The following SLCO3A1 variants were observed in gnomAD, a reference collection of about 807,000 sequenced individuals.
SLCO3A1 encodes PGE1 transporter.
In SLCO3A1, 27 loss-of-function variants were observed where a neutral mutation model predicts 63.1. The observed-to-expected ratio is 0.43, with a 90% CI of 0.32 to 0.59. The LOEUF is 0.59. Among genes scored for constraint, SLCO3A1 ranks in the 20% least tolerant of loss-of-function variants. SLCO3A1 has a pLI of 0.09. For synonymous variants in SLCO3A1, 473 were observed against 409.9 expected (o/e 1.15, Z -1.86); for missense variants, 773 against 945.8 (o/e 0.82, Z 2.40).
chr15:91,916,682 G>A lies in SLCO3A1; in HGVS notation c.646+224G>A, dbSNP rs1898673548. ...GAGCGGCCGAATTTGAGCTCCACGG[G>A]GCTAGACCACTAACACCGCTTCAGT... On this transcript the variant is annotated intron_variant, in intron 2 of 9. Transcript: ENST00000318445. The surrounding 1 kb of genome is among the most constrained non-coding windows in gnomAD (Gnocchi z 6.2). Among the ~76,000 whole-genome samples the A allele has an allele frequency of 6.6e-6, 1 of 152,170 alleles. No individual in the cohort carries two copies. The highest frequency in any genetic ancestry group is 1.9e-4 in the East Asian group (1 of 5,190).
chr15:91,999,846 A>C (rs2046232652), intron 2 of SLCO3A1, among the ~76,000 whole-genome samples: 1 of 152,236 alleles, frequency 6.6e-6, no homozygotes, highest in South Asian at 2.1e-4. Flanking sequence ...TTCTATTACA[A>C]GTCAGCAAAT....
In SLCO3A1 at chr15:92,033,888, T is replaced by G. The variant is rs541979204; in HGVS notation, c.647-60993T>G. Among the ~76,000 whole-genome samples, 4 of 151,962 alleles carry G rather than the reference T, an allele frequency of 2.6e-5. No homozygotes were observed. The South Asian group carries it at 8.3e-4, about 32-fold the overall frequency. ...CAGACAGACCAGTGAGGGCTGAGGC[T>G]TATTAGGGCTGGAGCAGGCTGGCGT... On this transcript the variant is annotated intron_variant, in intron 2 of 9. Coordinates refer to ENST00000318445, the MANE Select transcript of SLCO3A1 (RefSeq NM_013272.4). The surrounding 1 kb of genome is among the most constrained non-coding windows in gnomAD (Gnocchi z 4.5).
chr15:92,035,165 C>G (rs1039829370), intron 2 of SLCO3A1, among the ~76,000 whole-genome samples: 1 of 151,828 alleles, frequency 6.6e-6, no homozygotes, highest in African/African-American at 2.4e-5. Context: ...TGTACAGGGT[C>G]AGCCTTCTAT....
Position 91,854,326 on chromosome 15 carries a change from G to T in SLCO3A1, c.180+238G>T. On this transcript the variant is annotated intron_variant, in intron 1 of 9. Transcript: ENST00000318445. The surrounding 1 kb of genome is among the most constrained non-coding windows in gnomAD (Gnocchi z 6.4). ...GGTAGCAGCTCGCGCGCGTCCGGCT[G>T]GGGCAGGGGGTGCCGGGGGAGGAGA... 8.8e-7 allele frequency: 1 copy of T among 1,140,906 alleles called. No individual in the cohort carries two copies. Among genetic ancestry groups the T allele is most frequent in the Non-Finnish European group, 1.1e-6 (1 of 928,914 alleles). The allele number at this position is 1,140,906 out of a possible 1,614,324, so 70.7% of individuals were successfully genotyped here.
Position 91,900,302 on chromosome 15 carries a change from C to T in SLCO3A1, c.181-15691C>T, listed in dbSNP as rs899049259. Among the ~76,000 whole-genome samples the T allele has an allele frequency of 7.2e-5, 11 of 152,072 alleles. No individual in the cohort carries two copies. In the East Asian group the frequency reaches 7.7e-4, roughly 11 times the overall value. On this transcript the variant is annotated intron_variant, in intron 1 of 9. Transcript: ENST00000318445. The surrounding 1 kb of genome is among the most constrained non-coding windows in gnomAD (Gnocchi z 4.3). ...GAGTGTTCCAGTTTCCTCAGATGGA[C>T]GTGAATACTTTGTATTGTCTGTTCG...
intron 2 of SLCO3A1, among the ~76,000 whole-genome samples, chr15:92,005,217 G>C (rs142396896): frequency 8.5e-5 from 13 of 152,360 alleles, no homozygotes; most frequent in African/African-American, 3.1e-4. Flanking sequence ...CCTTTGAACA[G>C]TAAGTAGAAA....
rs183558114 is a variant in SLCO3A1, at chr15:91,932,797, A to G, written c.646+16339A>G. On this transcript the variant is annotated intron_variant, in intron 2 of 9. Transcript: ENST00000318445. ...AAAACATAATCACAATCCCATTCTC[A>G]TGGTCGTTAGATCTAGAGACTTTAT... Among the ~76,000 whole-genome samples the G allele has an allele frequency of 1.0e-3, 158 of 152,286 alleles. 1 individual carries two copies. Among genetic ancestry groups the G allele is most frequent in the African/African-American group, 3.7e-3 (154 of 41,554 alleles).
chr15:92,133,443 G>A (rs1460136084), intron 7 of SLCO3A1, among the ~76,000 whole-genome samples: 2 of 146,258 alleles, frequency 1.4e-5, no homozygotes, highest in African/African-American at 5.0e-5. Flanking sequence ...CCAGTCTGCG[G>A]TACTGGTACT....
intron 2 of SLCO3A1, among the ~76,000 whole-genome samples, chr15:92,020,811 A>G (rs1451462926): frequency 6.6e-6 from 1 of 152,382 alleles, no homozygotes; most frequent in African/African-American, 2.4e-5. Flanking sequence ...AGAAGGTAGT[A>G]TAGTGCATGG....
Position 91,968,130 on chromosome 15 carries a change from C to A in SLCO3A1, c.646+51672C>A, listed in dbSNP as rs866288672. ...ACGGCCTATCCATCAAAGCACAGTG[C>A]GTGTCTCCTTTCTCAGACAGAGGAC... On this transcript the variant is annotated intron_variant, in intron 2 of 9. Coordinates refer to ENST00000318445, the MANE Select transcript of SLCO3A1 (RefSeq NM_013272.4). This position sits in a 1 kb window ranked among gnomAD's most constrained non-coding sequence, Gnocchi z 4.2. Among the ~76,000 whole-genome samples, 4 of 152,114 alleles carry A rather than the reference C, an allele frequency of 2.6e-5. No homozygotes were observed. Among genetic ancestry groups the A allele is most frequent in the African/African-American group, 9.7e-5 (4 of 41,420 alleles).
intron 2 of SLCO3A1, among the ~76,000 whole-genome samples, chr15:91,920,964 G>C (rs1898824160): frequency 6.6e-6 from 1 of 152,192 alleles, no homozygotes; most frequent in Non-Finnish European, 1.5e-5. Flanking sequence ...CCAAGGGCTG[G>C]GGAGCTCATT....
At chr15:92,162,615 C>T (rs2048453335) in intron 9 of SLCO3A1, 141 bp from the exon 10 acceptor site, 2 of 1,357,888 alleles carry the variant, frequency 1.5e-6, no homozygotes, top group Non-Finnish European at 2.0e-6. Flanking sequence ...AACTCATGCG[C>T]TTTGCCTCCT....
intron 2 of SLCO3A1, among the ~76,000 whole-genome samples, chr15:92,056,668 A>G (rs556676967): frequency 6.6e-6 from 1 of 152,312 alleles, no homozygotes; most frequent in Admixed American, 6.5e-5. Flanking sequence ...TTGTTCTAAT[A>G]TCCAGTTGAG....
At chr15:92,123,126 G>T (rs1218631432) in intron 5 of SLCO3A1, among the ~76,000 whole-genome samples, 1 of 152,168 alleles carries the variant, frequency 6.6e-6, no homozygotes, top group Non-Finnish European at 1.5e-5. Flanking sequence ...ACATATCTCA[G>T]TTTAAAAGAA....
At chr15:91,952,924 AC>A (rs913646657) in intron 2 of SLCO3A1, among the ~76,000 whole-genome samples, 5 of 152,158 alleles carry the variant, frequency 3.3e-5, no homozygotes, top group Non-Finnish European at 5.9e-5. Context: ...CTTCAGCTGT[AC>A]CTTCACCTTG....
chr15:92,098,775 C>G (rs910008047), intron 3 of SLCO3A1, among the ~76,000 whole-genome samples: 1 of 152,146 alleles, frequency 6.6e-6, no homozygotes, highest in Non-Finnish European at 1.5e-5. Context: ...ACTACACCCC[C>G]TTATGAGTTC....
chr15:92,094,281 T>C (rs1316932990), intron 2 of SLCO3A1, among the ~76,000 whole-genome samples: 4 of 152,198 alleles, frequency 2.6e-5, no homozygotes. Flanking sequence ...AAACAGATAA[T>C]GACTTCAAAA....
chr15:92,103,799 A>G (rs1368369099), intron 3 of SLCO3A1, among the ~76,000 whole-genome samples: 1 of 151,910 alleles, frequency 6.6e-6, no homozygotes, highest in Non-Finnish European at 1.5e-5. Context: ...CCTGCTCTAA[A>G]ACCCTATTGT....
chr15:91,933,689 C>T (rs1899311081), intron 2 of SLCO3A1, among the ~76,000 whole-genome samples: 1 of 152,196 alleles, frequency 6.6e-6, no homozygotes, highest in Admixed American at 6.5e-5. Context: ...GTAACTCATT[C>T]TTGTAACAAC....
Sources: gnomAD v4.1 joint callset for allele counts (sites outside exome capture counted in the v4.1 genomes callset) on GRCh38, gnomAD v4.1.1 for gene constraint, Gnocchi (gnomAD v3.1) non-coding constraint, MANE v1.5 for transcripts, NCBI Gene and HGNC (gene_info 2026-07-23, HGNC 2026-07-21) for gene names.